The following SNX29 variants were observed in gnomAD, a reference collection of about 807,000 sequenced individuals.
The protein encoded by SNX29 is sorting nexin-29.
In SNX29, 78 loss-of-function variants were observed where a neutral mutation model predicts 102.1. That is an observed-to-expected ratio of 0.76 (90% CI 0.64 to 0.92). The LOEUF (loss-of-function observed/expected upper bound fraction) is 0.92. SNX29 is among the 40% of genes least tolerant of loss of function. The pLI, the probability that SNX29 is intolerant of heterozygous loss-of-function variation, is 0.00. For missense variants in SNX29, 1,280 were observed against 1,061.7 expected (o/e 1.21, Z -2.86); for synonymous variants, 580 against 414.5 (o/e 1.40, Z -4.85).
chr16:12,127,552 GCTGAGA>G (rs1360951851), intron 12 of SNX29, among the ~76,000 whole-genome samples: 2 of 151,862 alleles, frequency 1.3e-5, no homozygotes, highest in Non-Finnish European at 2.9e-5. Flanking sequence ...CTTCTGAGTG[GCTGAGA>G]CTACAGGCGC....
At chr16:12,526,700 G>GT (rs2076793211) in intron 20 of SNX29, 1 of 494,102 alleles carries the variant, frequency 2.0e-6, no homozygotes, top group Non-Finnish European at 3.9e-6. Context: ...TGAAAACTGA[G>GT]TTAGCCAGTT....
In SNX29 at chr16:12,048,516, G is replaced by A. The variant is rs749376316; in HGVS notation, c.644G>A (p.Ser215Asn). ...SLLKESTQGV[S>N]SLFREITASS... Reference sequence around the variant, plus strand: ...CTGAAGGAGTCCACGCAAGGAGTGAGCAGCCTGTTCAGGGAGATCACAGCC... The same window carrying A: ...CTGAAGGAGTCCACGCAAGGAGTGAACAGCCTGTTCAGGGAGATCACAGCC... The change falls in exon 7 of 21, where the codon AGC becomes AAC. Residue 215 changes from serine to asparagine, a missense_variant. Ser to Asn is a conservative substitution (Grantham distance 46). Coordinates refer to ENST00000566228, the MANE Select transcript of SNX29 (RefSeq NM_032167.5). The A allele has an allele frequency of 7.4e-6, 12 of 1,613,910 alleles. No individual in the cohort carries two copies. The highest frequency in any genetic ancestry group is 2.2e-5 in the East Asian group (1 of 44,878).
intron 20 of SNX29, among the ~76,000 whole-genome samples, chr16:12,553,067 C>T (rs1313018496): frequency 2.0e-5 from 3 of 152,214 alleles, no homozygotes; most frequent in East Asian, 3.8e-4. Context: ...AACTGCAAAG[C>T]AACACTCACC....
At chr16:12,031,873 A>G (rs1385717095) in intron 4 of SNX29, among the ~76,000 whole-genome samples, 1 of 152,228 alleles carries the variant, frequency 6.6e-6, no homozygotes, top group African/African-American at 2.4e-5. Context: ...TTACCATTTC[A>G]GCCATTTGAA....
At chr16:12,472,394 C>T (rs1167050941) in intron 18 of SNX29, among the ~76,000 whole-genome samples, 5 of 152,052 alleles carry the variant, frequency 3.3e-5, no homozygotes, top group Admixed American at 3.3e-4. Flanking sequence ...TGGCAGGCAC[C>T]TGTAATCCCA....
At chr16:12,466,865 A>G (rs1013112206) in intron 18 of SNX29, among the ~76,000 whole-genome samples, 4 of 152,206 alleles carry the variant, frequency 2.6e-5, no homozygotes, top group Non-Finnish European at 4.4e-5. Flanking sequence ...AGACTGTTCC[A>G]TGAGTCCTCT....
intron 13 of SNX29, among the ~76,000 whole-genome samples, chr16:12,132,330 C>T (rs1256090642): frequency 6.6e-6 from 1 of 152,172 alleles, no homozygotes; most frequent in Non-Finnish European, 1.5e-5. Flanking sequence ...GAGCTCCTGA[C>T]CTCAGGTGAT....
chr16:12,353,496 G>A (rs542359951), intron 15 of SNX29, among the ~76,000 whole-genome samples: 32 of 140,340 alleles, frequency 2.3e-4, no homozygotes, highest in Non-Finnish European at 4.1e-4. Flanking sequence ...TAGACGCACA[G>A]CCACAGGCTC....
intron 18 of SNX29, among the ~76,000 whole-genome samples, chr16:12,407,405 G>T (rs1289976066): frequency 1.3e-5 from 2 of 151,808 alleles, no homozygotes; most frequent in Non-Finnish European, 2.9e-5. Flanking sequence ...ATTTACCATG[G>T]TGATGTACAG....
At chr16:12,054,539 C>T (rs2050441047) in intron 8 of SNX29, among the ~76,000 whole-genome samples, 1 of 152,236 alleles carries the variant, frequency 6.6e-6, no homozygotes, top group Non-Finnish European at 1.5e-5. Flanking sequence ...GGATTCTTTC[C>T]TTTCCGCCTG....
At chr16:12,236,605 T>C (rs905760546) in intron 14 of SNX29, among the ~76,000 whole-genome samples, 1 of 152,218 alleles carries the variant, frequency 6.6e-6, no homozygotes, top group African/African-American at 2.4e-5. Context: ...CTTCCTCCTG[T>C]CATGCTGACT....
chr16:12,263,662 GAAAC>G (rs1294141893), intron 14 of SNX29, among the ~76,000 whole-genome samples: 1 of 152,180 alleles, frequency 6.6e-6, no homozygotes, highest in Non-Finnish European at 1.5e-5. Flanking sequence ...ACTTTTTAAA[GAAAC>G]AAAGAGAAAA....
chr16:12,254,232 A>G (rs889074742), intron 14 of SNX29, among the ~76,000 whole-genome samples: 22 of 152,162 alleles, frequency 1.4e-4, no homozygotes, highest in African/African-American at 5.1e-4. Context: ...AATGGAACAC[A>G]TTGAGGGTAT....
At chr16:12,459,882 G>A (rs370713595) in intron 18 of SNX29, among the ~76,000 whole-genome samples, 34 of 152,114 alleles carry the variant, frequency 2.2e-4, no homozygotes, top group African/African-American at 7.7e-4. Flanking sequence ...TTTCTTCCTG[G>A]TAATCAAAGA....
chr16:12,537,153 G>A (rs1180169218), intron 20 of SNX29, among the ~76,000 whole-genome samples: 1 of 152,074 alleles, frequency 6.6e-6, no homozygotes, highest in Non-Finnish European at 1.5e-5. Flanking sequence ...CTGGGACTCT[G>A]GGATCTTGTT....
At position 12,019,637 on chromosome 16, in the gene SNX29, A is replaced by T. The variant is rs959265599; in HGVS notation, c.123-7683A>T. 9.6e-3 allele frequency among the ~76,000 whole-genome samples: 1,319 copies of T among 136,868 alleles called. 21 individuals carry two copies. The highest frequency in any genetic ancestry group is 0.034 in the African/African-American group (1,264 of 37,598). The allele number at this position is 136,868 out of a possible 152,430, so 89.8% of individuals were successfully genotyped here. A position where few individuals can be genotyped will look rare whatever the true frequency, so the allele number is the denominator to read the frequency against. On this transcript the variant is annotated intron_variant, in intron 3 of 20. Coordinates refer to ENST00000566228, the MANE Select transcript of SNX29 (RefSeq NM_032167.5). ...ATAGATAGATAGATATAGATATATA[A>T]TTTTTTTTTTTTTTTGAGACGGAGT... is the stretch of plus-strand genomic sequence containing the variant.
chr16:11,994,052 C>G (rs1402078023), intron 1 of SNX29, among the ~76,000 whole-genome samples: 1 of 152,138 alleles, frequency 6.6e-6, no homozygotes, highest in Non-Finnish European at 1.5e-5. Flanking sequence ...ACCCAGGAGG[C>G]AGAGGTTGCA....
At chr16:12,492,686 G>C (rs913329368) in intron 19 of SNX29, among the ~76,000 whole-genome samples, 8 of 152,124 alleles carry the variant, frequency 5.3e-5, no homozygotes, top group South Asian at 2.1e-4. Context: ...AGTCTTTAAT[G>C]CATCTTGAAT....
chr16:12,278,345 T>C (rs1347030279), intron 15 of SNX29, among the ~76,000 whole-genome samples: 1 of 152,226 alleles, frequency 6.6e-6, no homozygotes, highest in East Asian at 1.9e-4. Flanking sequence ...GAATATCACA[T>C]GCACCTTTGT....
Sources: allele counts gnomAD v4.1 joint callset (sites outside exome capture counted in the v4.1 genomes callset), GRCh38; gene constraint gnomAD v4.1.1; transcripts MANE v1.5; gene names NCBI Gene and HGNC (gene_info 2026-07-23, HGNC 2026-07-21).